Variants in RBM22 observed in about 807,000 individuals in gnomAD.
RBM22 encodes the protein pre-mRNA-splicing factor RBM22.
In RBM22, 1 loss-of-function variant was observed where a neutral mutation model predicts 50.1. The observed-to-expected ratio is 0.02, with a 90% CI of 0.01 to 0.09. The LOEUF is 0.09. Ranked by LOEUF, RBM22 falls within the 10% of genes least tolerant of loss-of-function variation. The pLI, the probability that RBM22 is intolerant of heterozygous loss-of-function variation, is 1.00. For synonymous variants in RBM22, 152 were observed against 179.0 expected, an observed-to-expected ratio of 0.85 and a Z score of 1.20; for missense variants, 264 against 529.3, an observed-to-expected ratio of 0.50 and a Z score of 4.92.
Position 150,696,524 on chromosome 5 carries a change from C to T in RBM22, c.545+9G>A, listed in dbSNP as rs767253412. ...GAAAGCAAATACTGAAAATGAGGCT[C>T]GCTCTTGCCTGTATGGACATTCCTC... On this transcript the variant is annotated intron_variant, in intron 6 of 10. Coordinates refer to ENST00000199814, the MANE Select transcript of RBM22 (RefSeq NM_018047.3). This position sits in a 1 kb window ranked among gnomAD's most constrained non-coding sequence, Gnocchi z 4.3. 1.3e-5 allele frequency: 21 copies of T among 1,605,056 alleles called. No homozygotes were observed. Among genetic ancestry groups the T allele is most frequent in the East Asian group, 4.5e-5 (2 of 44,770 alleles).
chr5:150,696,497 C>A lies in RBM22; in HGVS notation c.545+36G>T. Reference sequence around the variant, plus strand: ...TCCCACTTCTTAGATGAGAAATCATCTGAAAGCAAATACTGAAAATGAGGC... The same window carrying A: ...TCCCACTTCTTAGATGAGAAATCATATGAAAGCAAATACTGAAAATGAGGC... On this transcript the variant is annotated intron_variant, in intron 6 of 10. Coordinates refer to ENST00000199814, the MANE Select transcript of RBM22 (RefSeq NM_018047.3). The surrounding 1 kb of genome is among the most constrained non-coding windows in gnomAD (Gnocchi z 4.3). The A allele has an allele frequency of 1.3e-6, 2 of 1,580,178 alleles. No individual in the cohort carries two copies. The highest frequency in any genetic ancestry group is 1.7e-6 in the Non-Finnish European group (2 of 1,157,040).
At chr5:150,698,321 A>G (rs778789480) in intron 4 of RBM22, among the ~76,000 whole-genome samples, 178 bp downstream of exon 4, 6 of 152,078 alleles carry the variant, frequency 3.9e-5, no homozygotes, top group African/African-American at 7.2e-5. Flanking sequence ...AGTTCCTACT[A>G]TTGTTCAGGA....
intron 10 of RBM22, among the ~76,000 whole-genome samples, chr5:150,692,544 A>G (rs1759221639): frequency 6.6e-6 from 1 of 152,102 alleles, no homozygotes; most frequent in Admixed American, 6.6e-5. Context: ...CAGACAGGTG[A>G]TAAACACTTT....
At position 150,699,311 on chromosome 5, in the gene RBM22, A is replaced by G. The variant is rs56262063; in HGVS notation, c.109-40T>C. 8.6e-3 allele frequency: 13,210 copies of G among 1,539,876 alleles called. 72 individuals carry two copies. Among genetic ancestry groups the G allele is most frequent in the Non-Finnish European group, 9.7e-3 (11,192 of 1,148,582 alleles). On this transcript the variant is annotated intron_variant, in intron 2 of 10. Transcript: ENST00000199814. The stretch of plus-strand genomic sequence containing the variant: ...AAATAGAAAAGAACTGGAGTTACAG[A>G]AAGAAAAAAGCCAGATGTCTACTCT...
intron 10 of RBM22, among the ~76,000 whole-genome samples, 174 bp from the exon 11 acceptor site, chr5:150,692,055 AC>A (rs1759216156): frequency 6.6e-6 from 1 of 152,084 alleles, no homozygotes; most frequent in Non-Finnish European, 1.5e-5. Context: ...GGTTTTAGAA[AC>A]CTTTCCCCCA....
rs1189919945 is a variant in RBM22 at position 150,691,711 on chromosome 5, T to C, written c.*40A>G. 3.4e-6 allele frequency: 5 copies of C among 1,455,142 alleles called. No homozygotes were observed. The South Asian group carries it at 6.3e-5, about 18-fold the overall frequency. The allele number at this position is 1,455,142 out of a possible 1,614,324, so 90.1% of individuals were successfully genotyped here. A position where few individuals can be genotyped will look rare whatever the true frequency, so the allele number is the denominator to read the frequency against. On this transcript the variant is annotated 3_prime_UTR_variant, in exon 11 of 11. Transcript: ENST00000199814. ...TCCAAGATTTACTGGGAGTTTTAAG[T>C]GCCCTTTCTTCCACAGAGCCCCAGA...
At chr5:150,698,727 A>G in intron 3 of RBM22, 96 bp from the exon 4 acceptor site, 2 of 1,470,466 alleles carry the variant, frequency 1.4e-6, no homozygotes, top group South Asian at 2.6e-5. Flanking sequence ...AGGATCCCTG[A>G]ATGTAGGATT....
Position 150,701,038 on chromosome 5 carries a change from C to G in RBM22, c.-53G>C. The G allele has an allele frequency of 1.2e-6, 2 of 1,611,428 alleles. No homozygotes were observed. The highest frequency in any genetic ancestry group is 1.7e-6 in the Non-Finnish European group (2 of 1,177,594). On this transcript the variant is annotated 5_prime_UTR_variant, in exon 1 of 11. Transcript: ENST00000199814. ...CTTCCGAATTGGGAGAGAGGACCGCCACAATCCCGTCAAGCCCCGAGGCTA... is the reference window on the plus strand; with the variant it reads ...CTTCCGAATTGGGAGAGAGGACCGCGACAATCCCGTCAAGCCCCGAGGCTA...
At chr5:150,694,408 G>A in intron 7 of RBM22, 168 bp from the exon 8 acceptor site, 5 of 1,063,448 alleles carry the variant, frequency 4.7e-6, no homozygotes, top group Non-Finnish European at 5.1e-6. Context: ...TACTGTGGGT[G>A]CTGCTGATTG....
chr5:150,701,024 G>C lies in RBM22; in HGVS notation c.-39C>G. The C allele has an allele frequency of 6.2e-7, 1 of 1,612,466 alleles. No homozygotes were observed. Among genetic ancestry groups the C allele is most frequent in the South Asian group, 1.1e-5 (1 of 91,072 alleles). ...GGAGGTAGCTGTAGCTTCCGAATTG[G>C]GAGAGAGGACCGCCACAATCCCGTC... On this transcript the variant is annotated 5_prime_UTR_variant, in exon 1 of 11. Coordinates refer to ENST00000199814, the MANE Select transcript of RBM22 (RefSeq NM_018047.3).
At position 150,696,972 on chromosome 5, in the gene RBM22, C is replaced by T. The variant is rs1759284041; in HGVS notation, c.272-81G>A. ...TAACCATGCACACAGAATACATCAT[C>T]TTTCCCTTCTCCTCTTTCCTATTTA... On this transcript the variant is annotated intron_variant, in intron 4 of 10. Coordinates refer to ENST00000199814, the MANE Select transcript of RBM22 (RefSeq NM_018047.3). The surrounding 1 kb of genome is among the most constrained non-coding windows in gnomAD (Gnocchi z 4.3). 2 of 1,300,468 alleles carry T rather than the reference C, an allele frequency of 1.5e-6. No individual in the cohort carries two copies. Among genetic ancestry groups the T allele is most frequent in the Non-Finnish European group, 2.2e-6 (2 of 909,932 alleles). 80.6% of individuals were successfully genotyped at this position (1,300,468 alleles called of 1,614,324 possible). A position where few individuals can be genotyped will look rare whatever the true frequency, so the allele number is the denominator to read the frequency against.
intron 9 of RBM22, 46 bp from the exon 10 acceptor site, chr5:150,693,072 G>T (rs774326262): frequency 1.3e-6 from 2 of 1,574,534 alleles, no homozygotes; most frequent in Non-Finnish European, 1.7e-6. Context: ...GAACAATTGT[G>T]CAACGCTGTT....
At chr5:150,695,973 T>C (rs1269445145) in intron 6 of RBM22, among the ~76,000 whole-genome samples, 1 of 148,096 alleles carries the variant, frequency 6.8e-6, no homozygotes, top group Non-Finnish European at 1.5e-5. Flanking sequence ...ACTCTTGACA[T>C]GATCCACCCC....
At position 150,691,841 on chromosome 5, in the gene RBM22, AG is replaced by A; in HGVS notation, c.1172del (p.Pro391LeufsTer72). The A allele has an allele frequency of 6.2e-7, 1 of 1,600,816 alleles. No homozygotes were observed. The highest frequency in any genetic ancestry group is 8.5e-7 in the Non-Finnish European group (1 of 1,173,662). ...PHMFHPMGPP[P>X]PFMRAPGPIH... is the part of the protein sequence containing the mutation. The stretch of plus-strand genomic sequence containing the variant: ...TTGGTCCTGGAGCCCGCATGAAAGG[AG>A]GGGGTGGTCCCATTGGGTGGAACAT... On this transcript the variant is annotated frameshift_variant, in exon 11 of 11. Transcript: ENST00000199814. LOFTEE classifies it high-confidence loss of function.
At chr5:150,700,739 G>C in intron 1 of RBM22, 193 bp downstream of exon 1, 3 of 1,538,768 alleles carry the variant, frequency 1.9e-6, no homozygotes, top group Non-Finnish European at 2.6e-6. Flanking sequence ...GCTGGTCCCG[G>C]GACCCTGGCT....
chr5:150,700,878 C>T, intron 1 of RBM22, 54 bp downstream of exon 1: 1 of 1,614,110 alleles, frequency 6.2e-7, no homozygotes, highest in Non-Finnish European at 8.5e-7. Flanking sequence ...TGCCAGCTTG[C>T]AAGGTGCGCG....
At chr5:150,697,032 CT>C in intron 4 of RBM22, 141 bp from the exon 5 acceptor site, 1 of 783,366 alleles carries the variant, frequency 1.3e-6, no homozygotes, top group Non-Finnish European at 2.1e-6. Flanking sequence ...TATTCAAACT[CT>C]TTAGCACCAT....
intron 8 of RBM22, among the ~76,000 whole-genome samples, chr5:150,693,601 G>C (rs1759237720): frequency 6.6e-6 from 1 of 152,204 alleles, no homozygotes; most frequent in South Asian, 2.1e-4. Flanking sequence ...GCTGCTATTA[G>C]CCATCACTTC....
At chr5:150,693,404 ACCT>A in intron 8 of RBM22, 97 bp from the exon 9 acceptor site, 2 of 913,054 alleles carry the variant, frequency 2.2e-6, no homozygotes, top group East Asian at 2.4e-5. Flanking sequence ...CCTTCGCTCT[ACCT>A]CCTCCTCAGC....
Sources: gnomAD v4.1 joint callset for allele counts (sites outside exome capture counted in the v4.1 genomes callset) on GRCh38, gnomAD v4.1.1 for gene constraint, Gnocchi (gnomAD v3.1) non-coding constraint, MANE v1.5 for transcripts, NCBI Gene and HGNC (gene_info 2026-07-23, HGNC 2026-07-21) for gene names.